GAS7: variants seen among roughly 807,000 people sequenced by gnomAD.
GAS7 encodes the protein growth arrest-specific protein 7.
In GAS7, 28 loss-of-function variants were observed where a neutral mutation model predicts 71.1. That is an observed-to-expected ratio of 0.39 (90% CI 0.29 to 0.54). GAS7 has a LOEUF of 0.54. Ranked by LOEUF, GAS7 falls within the 20% of genes least tolerant of loss-of-function variation. GAS7 has a pLI of 0.62. For synonymous variants in GAS7, 258 were observed against 245.8 expected (o/e 1.05, Z -0.46); for missense variants, 436 against 627.8 (o/e 0.69, Z 3.27).
At position 9,959,418 on chromosome 17, in the gene GAS7, A is replaced by G; in HGVS notation, c.472-163T>C. ...GCCAGGGCAAGCAGGGGTCTCCCTGACCCCACGCTGTTCCCACGCCCAGCT... is the reference window on the plus strand; with the variant it reads ...GCCAGGGCAAGCAGGGGTCTCCCTGGCCCCACGCTGTTCCCACGCCCAGCT... On this transcript the variant is annotated intron_variant, in intron 4 of 13. Coordinates refer to ENST00000432992, the MANE Select transcript of GAS7 (RefSeq NM_201433.2). This position sits in a 1 kb window ranked among gnomAD's most constrained non-coding sequence, Gnocchi z 5.0. The G allele has an allele frequency of 6.8e-7, 1 of 1,461,518 alleles. No homozygotes were observed. Among genetic ancestry groups the G allele is most frequent in the Non-Finnish European group, 9.0e-7 (1 of 1,105,972 alleles). The allele number at this position is 1,461,518 out of a possible 1,614,324, so 90.5% of individuals were successfully genotyped here. A position where few individuals can be genotyped will look rare whatever the true frequency, so the allele number is the denominator to read the frequency against.
rs1455630304 is a variant in GAS7 at position 9,912,557 on chromosome 17, C to G, written c.*4671G>C. ...TGGGTCCCAGAAGGGAGCAGATCTG[C>G]TGGCTGAGATGCAAGCTTCAGGTTG... On this transcript the variant is annotated 3_prime_UTR_variant, in exon 14 of 14. Transcript: ENST00000432992. 4.3e-6 allele frequency: 1 copy of G among 232,904 alleles called. No individual in the cohort carries two copies. The highest frequency in any genetic ancestry group is 2.2e-5 in the African/African-American group (1 of 45,346). The allele number at this position is 232,904 out of a possible 1,614,324, so 14.4% of individuals were successfully genotyped here. A position where few individuals can be genotyped will look rare whatever the true frequency, so the allele number is the denominator to read the frequency against.
At chr17:10,113,936 A>G (rs1185954178) in intron 1 of GAS7, among the ~76,000 whole-genome samples, 1 of 152,120 alleles carries the variant, frequency 6.6e-6, no homozygotes, top group Admixed American at 6.6e-5. Flanking sequence ...GTTTCTCAAG[A>G]TAGGGTCTTG....
intron 1 of GAS7, among the ~76,000 whole-genome samples, chr17:10,156,166 C>T (rs190635286): frequency 6.6e-5 from 10 of 152,282 alleles, no homozygotes; most frequent in African/African-American, 2.4e-4. Flanking sequence ...TTTTTTGGTC[C>T]TTGATAATAT....
intron 1 of GAS7, among the ~76,000 whole-genome samples, chr17:10,052,424 A>G (rs1022113991): frequency 8.5e-5 from 13 of 152,188 alleles, no homozygotes; most frequent in Non-Finnish European, 1.5e-5. Context: ...GGGGAGAAAC[A>G]GGTCTAAGAG....
chr17:10,136,128 G>A (rs1043490827), intron 1 of GAS7, among the ~76,000 whole-genome samples: 1 of 152,160 alleles, frequency 6.6e-6, no homozygotes, highest in East Asian at 1.9e-4. Context: ...ATGTCCCCAT[G>A]GCGAAGTGTC....
Position 10,181,127 on chromosome 17 carries a change from C to T in GAS7, c.183+17081G>A, listed in dbSNP as rs565997233. The stretch of plus-strand genomic sequence containing the variant: ...CTGTAATCCCAGCACTTTGGGAGGC[C>T]AAGGCGGGCACATCACGAGGTCAGG... On this transcript the variant is annotated intron_variant, in intron 1 of 13. Coordinates refer to ENST00000432992, the MANE Select transcript of GAS7 (RefSeq NM_201433.2). Among the ~76,000 whole-genome samples the T allele has an allele frequency of 4.1e-5, 6 of 145,984 alleles. No homozygotes were observed. The East Asian group carries it at 5.9e-4, about 14-fold the overall frequency.
chr17:9,979,498 G>T (rs563748656), intron 3 of GAS7, among the ~76,000 whole-genome samples: 1 of 152,278 alleles, frequency 6.6e-6, no homozygotes. Flanking sequence ...TTAAACCCAG[G>T]CCTCTAAGCC....
At position 10,198,432 on chromosome 17, in the gene GAS7, C is replaced by G. The variant is rs1172221489; in HGVS notation, c.-42G>C. On this transcript the variant is annotated 5_prime_UTR_variant, in exon 1 of 14. Coordinates refer to ENST00000432992, the MANE Select transcript of GAS7 (RefSeq NM_201433.2). ...TTCACAGCGCAGCCTGCATTCCCGC[C>G]GAGCCCCACGGGCTGGGCAGCGGCT... is the stretch of plus-strand genomic sequence containing the variant. The G allele has an allele frequency of 1.4e-6, 2 of 1,430,660 alleles. No homozygotes were observed. The highest frequency in any genetic ancestry group is 1.8e-6 in the Non-Finnish European group (2 of 1,088,878). 88.6% of individuals were successfully genotyped at this position (1,430,660 alleles called of 1,614,324 possible).
chr17:10,163,126 G>A (rs1028016544), intron 1 of GAS7, among the ~76,000 whole-genome samples: 8 of 152,108 alleles, frequency 5.3e-5, no homozygotes, highest in African/African-American at 1.9e-4. Flanking sequence ...ATTTTTCTTT[G>A]TAGAGACTGG....
intron 1 of GAS7, among the ~76,000 whole-genome samples, chr17:10,090,350 A>G (rs991007745): frequency 2.6e-5 from 4 of 152,224 alleles, no homozygotes; most frequent in Non-Finnish European, 4.4e-5. Context: ...GAAAGAACAC[A>G]CACCAGGATG....
chr17:9,934,890 C>T (rs2068342511), intron 8 of GAS7, among the ~76,000 whole-genome samples: 1 of 152,186 alleles, frequency 6.6e-6, no homozygotes, highest in African/African-American at 2.4e-5. Flanking sequence ...CGTGTGCCAC[C>T]ACATCCGGCT....
At chr17:10,005,457 C>T (rs990122773) in intron 2 of GAS7, among the ~76,000 whole-genome samples, 5 of 151,442 alleles carry the variant, frequency 3.3e-5, no homozygotes, top group Admixed American at 3.3e-4. Context: ...CAGACACCCA[C>T]AGAACTAAAC....
chr17:10,004,619 G>T (rs1180914051), intron 2 of GAS7, among the ~76,000 whole-genome samples: 1 of 152,162 alleles, frequency 6.6e-6, no homozygotes, highest in Non-Finnish European at 1.5e-5. Flanking sequence ...CTCGAAACTG[G>T]TGCTTCATAC....
intron 1 of GAS7, among the ~76,000 whole-genome samples, chr17:10,033,628 C>CG (rs1229570299): frequency 3.9e-5 from 6 of 152,094 alleles, no homozygotes; most frequent in African/African-American, 9.7e-5. Context: ...GCAGATGCAC[C>CG]GGGGGGCAAA....
At chr17:10,124,922 T>A (rs888988743) in intron 1 of GAS7, among the ~76,000 whole-genome samples, 2 of 151,434 alleles carry the variant, frequency 1.3e-5, no homozygotes, top group Non-Finnish European at 2.9e-5. Context: ...CTCAAAAAAA[T>A]TCAATAAATA....
intron 1 of GAS7, among the ~76,000 whole-genome samples, chr17:10,077,657 AG>A (rs1484721665): frequency 6.6e-6 from 1 of 152,244 alleles, no homozygotes; most frequent in African/African-American, 2.4e-5. Flanking sequence ...AAGGCAAACT[AG>A]TCCTGAGCTT....
chr17:10,024,547 GTTCT>G (rs2072394122), intron 1 of GAS7, among the ~76,000 whole-genome samples: 1 of 152,170 alleles, frequency 6.6e-6, no homozygotes, highest in African/African-American at 2.4e-5. Context: ...AACGAAGGAA[GTTCT>G]TTCTAACTCA....
intron 7 of GAS7, among the ~76,000 whole-genome samples, chr17:9,940,463 C>T (rs1043709055): frequency 1.4e-4 from 22 of 152,308 alleles, no homozygotes; most frequent in African/African-American, 2.6e-4. Context: ...GCTGTGAAGA[C>T]GAGAGCTGTC....
intron 1 of GAS7, among the ~76,000 whole-genome samples, chr17:10,081,821 T>C (rs2073460022): frequency 6.6e-6 from 1 of 152,198 alleles, no homozygotes; most frequent in South Asian, 2.1e-4. Flanking sequence ...GCAGTCTGCA[T>C]TTGCAAAACC....
Sources: gnomAD v4.1 joint callset for allele counts (sites outside exome capture counted in the v4.1 genomes callset) on GRCh38, gnomAD v4.1.1 for gene constraint, Gnocchi (gnomAD v3.1) non-coding constraint, MANE v1.5 for transcripts, NCBI Gene and HGNC (gene_info 2026-07-23, HGNC 2026-07-21) for gene names.